EPB41L2: variants seen among roughly 807,000 people sequenced by gnomAD.
EPB41L2 encodes band 4.1-like protein 2.
In EPB41L2, 43 loss-of-function variants were observed where a neutral mutation model predicts 113.0. The observed-to-expected ratio is 0.38, with a 90% confidence interval of 0.30 to 0.49. The LOEUF (loss-of-function observed/expected upper bound fraction) is 0.49. Ranked by LOEUF, EPB41L2 falls within the 20% of genes least tolerant of loss-of-function variation. The pLI is 0.95. For synonymous variants in EPB41L2, 442 were observed against 436.7 expected, an observed-to-expected ratio of 1.01 and a Z score of -0.15; for missense variants, 1,147 against 1,223.4, an observed-to-expected ratio of 0.94 and a Z score of 0.93.
At chr6:130,863,210 A>C (rs1355614976) in intron 18 of EPB41L2, among the ~76,000 whole-genome samples, 4 of 152,236 alleles carry the variant, frequency 2.6e-5, no homozygotes. Flanking sequence ...CTGGAAGTAA[A>C]TAGCTCAACT....
chr6:131,019,744 T>C (rs1467388315), intron 1 of EPB41L2, among the ~76,000 whole-genome samples: 1 of 152,186 alleles, frequency 6.6e-6, no homozygotes, highest in Non-Finnish European at 1.5e-5. Flanking sequence ...GTTAATATAC[T>C]ATGTATAATA....
At chr6:130,904,017 T>C (rs1048214295) in intron 6 of EPB41L2, among the ~76,000 whole-genome samples, 1 of 152,212 alleles carries the variant, frequency 6.6e-6, no homozygotes, top group Non-Finnish European at 1.5e-5. Context: ...TGTTTGGTTC[T>C]GGAGGGAGAA....
rs60309706 is a variant in EPB41L2 at position 130,957,683 on chromosome 6, C to CAA, written c.-14-1186_-14-1185dup. ...TTAAGTGGTACAAACTTGAATAAGT[C>CAA]AAAAAAAAAAGTACACTTGTTTTAA... is the stretch of plus-strand genomic sequence containing the variant. On this transcript the variant is annotated intron_variant, in intron 1 of 19. Coordinates refer to ENST00000337057, the MANE Select transcript of EPB41L2 (RefSeq NM_001431.4). Among the ~76,000 whole-genome samples, 624 of 146,048 alleles carry CAA rather than the reference C, an allele frequency of 4.3e-3. 4 individuals are homozygous for CAA. The highest frequency in any genetic ancestry group is 0.014 in the African/African-American group (550 of 40,090).
At chr6:130,886,808 T>A (rs1381212676) in intron 11 of EPB41L2, among the ~76,000 whole-genome samples, 1 of 152,092 alleles carries the variant, frequency 6.6e-6, no homozygotes. Flanking sequence ...TAATTCTTTG[T>A]ATTTTTAGTA....
intron 1 of EPB41L2, among the ~76,000 whole-genome samples, chr6:130,982,957 A>C (rs907623023): frequency 6.6e-6 from 1 of 152,256 alleles, no homozygotes; most frequent in Admixed American, 6.5e-5. Context: ...CAACCGCCTA[A>C]CAACCATGTG....
At chr6:130,929,854 C>T (rs1331735081) in intron 3 of EPB41L2, among the ~76,000 whole-genome samples, 2 of 127,034 alleles carry the variant, frequency 1.6e-5, no homozygotes, top group African/African-American at 3.1e-5. Context: ...ACAAGACAGA[C>T]AGTCACACAC....
intron 1 of EPB41L2, among the ~76,000 whole-genome samples, chr6:130,972,323 C>CAAA (rs56878009): frequency 2.5e-4 from 19 of 76,614 alleles, no homozygotes; most frequent in East Asian, 1.4e-3. Flanking sequence ...GACTCCATCT[C>CAAA]AAAAAAAAAA....
chr6:130,937,524 A>T (rs955073125), intron 3 of EPB41L2, among the ~76,000 whole-genome samples: 3 of 144,252 alleles, frequency 2.1e-5, no homozygotes, highest in Non-Finnish European at 4.6e-5. Flanking sequence ...AAAATGCTTT[A>T]AAAAAAAAAT....
In EPB41L2 at chr6:131,048,151, A is replaced by AAAG. The variant is rs1269888180; in HGVS notation, c.-15+15003_-15+15004insCTT. Among the ~76,000 whole-genome samples the AAAG allele has an allele frequency of 7.5e-3, 1,007 of 134,552 alleles. 10 individuals carry two copies. Among genetic ancestry groups the AAAG allele is most frequent in the African/African-American group, 0.023 (876 of 38,856 alleles). The allele number at this position is 134,552 out of a possible 152,430, so 88.3% of individuals were successfully genotyped here. A position where few individuals can be genotyped will look rare whatever the true frequency, so the allele number is the denominator to read the frequency against. On this transcript the variant is annotated intron_variant, in intron 1 of 19. Transcript: ENST00000337057. ...AAGACTCTGTCTCAAAAAAAAAAAAAAAAAAAGAAAAAAAGAAAAGAAAAA... is the reference window on the plus strand; with the variant it reads ...AAGACTCTGTCTCAAAAAAAAAAAAAAAGAAAAAAGAAAAAAAGAAAAGAAAAA...
chr6:131,024,456 C>T (rs73774379), intron 1 of EPB41L2, among the ~76,000 whole-genome samples: 1,657 of 152,172 alleles, frequency 0.011, 34 homozygotes, highest in African/African-American at 0.035. Flanking sequence ...AACTAAGCAT[C>T]TCTGTCGTAG....
chr6:131,001,780 C>T (rs900287816), intron 1 of EPB41L2, among the ~76,000 whole-genome samples: 1 of 152,178 alleles, frequency 6.6e-6, no homozygotes, highest in Admixed American at 6.6e-5. Flanking sequence ...ACGAAAGTTA[C>T]TTCCTTTTTT....
chr6:130,890,797 T>C (rs989475887), intron 10 of EPB41L2, among the ~76,000 whole-genome samples: 3 of 152,254 alleles, frequency 2.0e-5, no homozygotes, highest in Non-Finnish European at 2.9e-5. Context: ...TTTTTGCTTC[T>C]AGCTATAAGC....
At chr6:131,059,578 T>C (rs1442226840) in intron 1 of EPB41L2, among the ~76,000 whole-genome samples, 1 of 152,206 alleles carries the variant, frequency 6.6e-6, no homozygotes, top group East Asian at 1.9e-4. Flanking sequence ...AAACATGGCA[T>C]CCCAAAGGAT....
At chr6:131,026,632 C>G (rs1293630769) in intron 1 of EPB41L2, among the ~76,000 whole-genome samples, 1 of 152,122 alleles carries the variant, frequency 6.6e-6, no homozygotes, top group Non-Finnish European at 1.5e-5. Context: ...ACCAATAAAC[C>G]CATCTTTCCT....
At chr6:130,941,700 T>C (rs1482504931) in intron 3 of EPB41L2, among the ~76,000 whole-genome samples, 2 of 152,202 alleles carry the variant, frequency 1.3e-5, no homozygotes, top group African/African-American at 4.8e-5. Context: ...TTAAGTTTCC[T>C]CTCTGTGCAA....
intron 19 of EPB41L2, among the ~76,000 whole-genome samples, chr6:130,856,407 C>G (rs1446277425): frequency 6.6e-6 from 1 of 152,272 alleles, no homozygotes; most frequent in Admixed American, 6.5e-5. Context: ...GAGAGGTGAA[C>G]AAGCATTTAA....
chr6:130,994,319 T>C (rs775937752), intron 1 of EPB41L2, among the ~76,000 whole-genome samples: 6 of 152,172 alleles, frequency 3.9e-5, no homozygotes, highest in Non-Finnish European at 8.8e-5. Context: ...AAAACCACTG[T>C]TCTCACTTAC....
chr6:130,965,391 C>G (rs902548203), intron 1 of EPB41L2, among the ~76,000 whole-genome samples: 2 of 151,944 alleles, frequency 1.3e-5, no homozygotes, highest in Non-Finnish European at 1.5e-5. Flanking sequence ...ATAGGAAATA[C>G]TGGTTAAACA....
At chr6:131,033,286 G>A (rs751559210) in intron 1 of EPB41L2, among the ~76,000 whole-genome samples, 1 of 151,912 alleles carries the variant, frequency 6.6e-6, no homozygotes, top group Non-Finnish European at 1.5e-5. Flanking sequence ...AGGAAGGAAG[G>A]AGCAAAACAA....
Sources: allele counts gnomAD v4.1 joint callset (sites outside exome capture counted in the v4.1 genomes callset), GRCh38; gene constraint gnomAD v4.1.1; transcripts MANE v1.5; gene names NCBI Gene and HGNC (gene_info 2026-07-23, HGNC 2026-07-21).